Variants in NPC1L1 observed in about 807,000 individuals in gnomAD.
The protein encoded by NPC1L1 is NPC1-like intracellular cholesterol transporter 1.
A neutral mutation model predicts 117.0 loss-of-function variants in NPC1L1; 98 were observed. The ratio of observed to expected loss-of-function variants is 0.84; its 90% CI spans 0.71 to 0.99. NPC1L1 has a LOEUF of 0.99. Ranked by LOEUF, NPC1L1 falls within the 50% of genes least tolerant of loss-of-function variation. The pLI is 0.00. For synonymous variants in NPC1L1, 729 were observed against 727.6 expected (o/e 1.00, Z -0.03); for missense variants, 1,540 against 1,710.0 (o/e 0.90, Z 1.75).
Position 44,516,708 on chromosome 7 carries a change from C to G in NPC1L1, c.3514G>C (p.Val1172Leu). ...SYNAVSLINL[V>L]SAVGMSVEFV... The stretch of plus-strand genomic sequence containing the variant: ...GCCTGTGTCTGCTGGGTTACCGAGA[C>G]CAGGTTGATGAGGGACACAGCATTG... Residue 1172 changes from valine (V) to leucine (L), a missense_variant, in exon 16 of 19, where the codon GTC becomes CTC. By Grantham distance (32) the Val-to-Leu change is conservative. This residue lies in a region of NPC1L1 where 742 missense variants were observed against 873.6 expected (regional missense o/e 0.85). Transcript: ENST00000381160. 1 of 1,609,410 alleles carries G rather than the reference C, an allele frequency of 6.2e-7. No individual in the cohort carries two copies. The highest frequency in any genetic ancestry group is 1.1e-5 in the South Asian group (1 of 90,200).
chr7:44,521,906 A>T (rs1040279830), intron 11 of NPC1L1, 70 bp from the exon 12 acceptor site: 2 of 1,608,748 alleles, frequency 1.2e-6, no homozygotes, highest in African/African-American at 2.7e-5. Flanking sequence ...TCGTGGCCCA[A>T]CCCCCACGCA....
In NPC1L1 at chr7:44,539,871, G is replaced by C; in HGVS notation, c.526C>G (p.Arg176Gly). ...GCCAGCGTGGCAGCTGCAGGGACGC[G>C]CACACGGCTGCAGGAGTCATAGCTC... ...EQSYDSCSRVRVPAAATLAVG... is the reference protein window; with the variant it reads ...EQSYDSCSRVGVPAAATLAVG... The change falls in exon 2 of 19, where the codon CGC becomes GGC. Residue 176 changes from arginine to glycine, a missense_variant. Coordinates refer to ENST00000381160, the MANE Select transcript of NPC1L1 (RefSeq NM_001101648.2). The surrounding 1 kb of genome is among the most constrained non-coding windows in gnomAD (Gnocchi z 4.4). 2 of 1,614,016 alleles carry C rather than the reference G, an allele frequency of 1.2e-6. No individual in the cohort carries two copies. Among genetic ancestry groups the C allele is most frequent in the South Asian group, 1.1e-5 (1 of 91,086 alleles).
intron 10 of NPC1L1, among the ~76,000 whole-genome samples, chr7:44,526,071 C>A (rs139912571): frequency 0.034 from 5,104 of 151,956 alleles, 118 homozygotes; most frequent in South Asian, 0.067. Flanking sequence ...GAGGATGAAG[C>A]AGGAGAATCA....
At chr7:44,537,051 C>G in intron 2 of NPC1L1, 109 bp from the exon 3 acceptor site, 1 of 850,156 alleles carries the variant, frequency 1.2e-6, no homozygotes, top group South Asian at 1.8e-5. Flanking sequence ...GGAGGGTGAG[C>G]TGGTGGGGTG....
intron 10 of NPC1L1, among the ~76,000 whole-genome samples, chr7:44,526,809 A>G (rs1456045107): frequency 6.6e-6 from 1 of 151,982 alleles, no homozygotes; most frequent in African/African-American, 2.4e-5. Flanking sequence ...GGATCACCTG[A>G]GGTCAGGAGT....
chr7:44,515,750 G>A (rs1437495604), intron 18 of NPC1L1, 53 bp downstream of exon 18: 3 of 1,609,526 alleles, frequency 1.9e-6, no homozygotes, highest in Non-Finnish European at 1.7e-6. Context: ...CACTGTTACT[G>A]TTGTCGTCAG....
Position 44,536,781 on chromosome 7 carries a change from T to G in NPC1L1, c.1681+61A>C. On this transcript the variant is annotated intron_variant, in intron 3 of 18. Coordinates refer to ENST00000381160, the MANE Select transcript of NPC1L1 (RefSeq NM_001101648.2). The surrounding 1 kb of genome is among the most constrained non-coding windows in gnomAD (Gnocchi z 4.7). ...CCAGCACCACTCCCACCCTCCCGTC[T>G]ATGGTTCCTGCCCCAATACTGCATC... 6 of 1,419,956 alleles carry G rather than the reference T, an allele frequency of 4.2e-6. No homozygotes were observed. The highest frequency in any genetic ancestry group is 5.0e-6 in the Non-Finnish European group (5 of 1,004,876). The allele number at this position is 1,419,956 out of a possible 1,614,324, so 88.0% of individuals were successfully genotyped here.
chr7:44,520,293 G>A (rs77475299), intron 14 of NPC1L1, among the ~76,000 whole-genome samples: 1 of 151,582 alleles, frequency 6.6e-6, no homozygotes, highest in Admixed American at 6.6e-5. Flanking sequence ...AAAAAAAAAA[G>A]AGGGTCTCCC....
At chr7:44,535,712 G>A (rs997352192) in intron 5 of NPC1L1, 128 bp downstream of exon 5, 26 of 1,279,022 alleles carry the variant, frequency 2.0e-5, no homozygotes, top group Non-Finnish European at 2.8e-5. Flanking sequence ...TTACCCTTTG[G>A]GGCAGCCACT....
intron 2 of NPC1L1, among the ~76,000 whole-genome samples, chr7:44,537,472 G>A (rs1801938559): frequency 6.6e-6 from 1 of 152,168 alleles, no homozygotes; most frequent in Non-Finnish European, 1.5e-5. Context: ...TGGAACCCTG[G>A]AGCCCAGCAG....
intron 8 of NPC1L1, among the ~76,000 whole-genome samples, chr7:44,532,735 A>G (rs1169420811): frequency 6.6e-6 from 1 of 152,236 alleles, no homozygotes; most frequent in African/African-American, 2.4e-5. Flanking sequence ...ATAACATTCA[A>G]AAGATGTGTT....
intron 1 of NPC1L1, among the ~76,000 whole-genome samples, chr7:44,540,722 C>G (rs1484616943): frequency 1.3e-5 from 2 of 151,914 alleles, no homozygotes; most frequent in Non-Finnish European, 2.9e-5. Context: ...CAGGAGGCCC[C>G]CCGACTCCCA....
At position 44,536,071 on chromosome 7, in the gene NPC1L1, G is replaced by A; in HGVS notation, c.1855-103C>T. The A allele has an allele frequency of 6.3e-7, 1 of 1,580,542 alleles. No homozygotes were observed. Among genetic ancestry groups the A allele is most frequent in the South Asian group, 1.1e-5 (1 of 89,602 alleles). The stretch of plus-strand genomic sequence containing the variant: ...GGCACTAATTGTGTGTTGTGTCATA[G>A]GGCCTGATGGCCCCCTATAATCGCA... On this transcript the variant is annotated intron_variant, in intron 4 of 18. Coordinates refer to ENST00000381160, the MANE Select transcript of NPC1L1 (RefSeq NM_001101648.2). This position sits in a 1 kb window ranked among gnomAD's most constrained non-coding sequence, Gnocchi z 4.7.
chr7:44,535,935 C>T lies in NPC1L1; in HGVS notation c.1888G>A (p.Ala630Thr), dbSNP rs1306948779. ...GTGGCAAAGATGGGCAGGTCTTCAG[C>T]TGTGGTGCGATTGATCTCGTCTTCC... ...SLEDEINRTT[A>T]EDLPIFATSY... The change falls in exon 5 of 19, where the codon GCT (alanine) becomes ACT (threonine). Residue 630 changes from alanine to threonine, a missense_variant. Physicochemically the swap from Ala to Thr is moderately conservative, Grantham distance 58. Around this residue, in one of 3 missense-constraint regions of NPC1L1, gnomAD observed 793 missense variants for 820.4 expected, o/e 0.97. Coordinates refer to ENST00000381160, the MANE Select transcript of NPC1L1 (RefSeq NM_001101648.2). 6.2e-7 allele frequency: 1 copy of T among 1,613,442 alleles called. No homozygotes were observed. Among genetic ancestry groups the T allele is most frequent in the Non-Finnish European group, 8.5e-7 (1 of 1,180,024 alleles).
At chr7:44,526,797 G>A (rs1473997329) in intron 10 of NPC1L1, among the ~76,000 whole-genome samples, 1 of 152,028 alleles carries the variant, frequency 6.6e-6, no homozygotes, top group Non-Finnish European at 1.5e-5. Context: ...GCCAAGGTGG[G>A]TGGATCACCT....
At chr7:44,521,244 G>C (rs1801344381) in intron 12 of NPC1L1, 126 bp from the exon 13 acceptor site, 1 of 1,291,252 alleles carries the variant, frequency 7.7e-7, no homozygotes, top group East Asian at 2.4e-5. Context: ...TCGCTTCTAG[G>C]GGGATTTGCA....
intron 10 of NPC1L1, among the ~76,000 whole-genome samples, chr7:44,529,747 G>A (rs2117052785): frequency 6.6e-6 from 1 of 151,888 alleles, no homozygotes; most frequent in African/African-American, 2.4e-5. Context: ...AGAACAGAAA[G>A]TAAATGGGCC....
Position 44,540,267 on chromosome 7 carries a change from C to G in NPC1L1, c.130G>C (p.Glu44Gln). 1 of 1,614,052 alleles carries G rather than the reference C, an allele frequency of 6.2e-7. No individual in the cohort carries two copies. The highest frequency in any genetic ancestry group is 1.1e-5 in the South Asian group (1 of 91,088). ...AGTGTCATGAGGCTTCCAGACAGCT[C>G]TGGGTTCTTCCCACATTCGTCATAG... ...AFYDECGKNPELSGSLMTLSN... is the reference protein window; with the variant it reads ...AFYDECGKNPQLSGSLMTLSN... Residue 44 changes from glutamate to glutamine, a missense_variant, in exon 2 of 19, where the codon GAG becomes CAG. Physicochemically the swap from Glu to Gln is conservative, Grantham distance 29. Coordinates refer to ENST00000381160, the MANE Select transcript of NPC1L1 (RefSeq NM_001101648.2).
In NPC1L1 at chr7:44,532,131, G is replaced by A. The variant is rs1310425143; in HGVS notation, c.2496C>T (p.Phe832=). Residue 832 remains phenylalanine, a synonymous_variant, in exon 9 of 19, where the codon TTC becomes TTT. Transcript: ENST00000381160. ...GCAGGAAGGGGGCATAAGCCTTTTG[G>A]AAGAAGCCAAGCAGGAGCCCCTCTC... The part of the protein sequence containing the change: ...GQGEGLLLGF[F]QKAYAPFLLH... The A allele has an allele frequency of 1.2e-6, 2 of 1,614,156 alleles. No homozygotes were observed. The highest frequency in any genetic ancestry group is 2.7e-5 in the African/African-American group (2 of 75,054).
Sources: allele counts gnomAD v4.1 joint callset (sites outside exome capture counted in the v4.1 genomes callset), GRCh38; gene constraint gnomAD v4.1.1; regional missense constraint gnomAD v4.1.1; non-coding constraint Gnocchi (gnomAD v3.1); transcripts MANE v1.5; gene names NCBI Gene and HGNC (gene_info 2026-07-23, HGNC 2026-07-21).